The following FMN1 variants were observed in gnomAD, a reference collection of about 807,000 sequenced individuals.
FMN1 encodes formin 1, also known as formin-1.
FMN1 carries 110 observed loss-of-function variants against 132.4 expected under a neutral mutation model. That is an observed-to-expected ratio of 0.83 (90% confidence interval 0.71 to 0.97). FMN1 has a LOEUF of 0.97. FMN1 is among the 50% of genes least tolerant of loss of function. The probability of loss-of-function intolerance (pLI) is 0.00; values close to 1 mark genes in which losing one functional copy is unlikely to be tolerated. For missense variants in FMN1, 1,792 were observed against 1,705.3 expected, an observed-to-expected ratio of 1.05 and a Z score of -0.90; for synonymous variants, 722 against 651.7, an observed-to-expected ratio of 1.11 and a Z score of -1.64.
chr15:32,965,430 T>A (rs2140620324), intron 8 of FMN1, among the ~76,000 whole-genome samples: 1 of 152,226 alleles, frequency 6.6e-6, no homozygotes, highest in East Asian at 1.9e-4. Flanking sequence ...ATACTATCAA[T>A]GCCCACAAAT....
intron 8 of FMN1, among the ~76,000 whole-genome samples, chr15:32,964,558 C>T (rs1401298858): frequency 6.6e-6 from 1 of 152,142 alleles, no homozygotes; most frequent in Non-Finnish European, 1.5e-5. Flanking sequence ...TTCCTGGGGG[C>T]ACCCAAGCTG....
At chr15:32,845,453 T>A (rs1399315384) in intron 17 of FMN1, among the ~76,000 whole-genome samples, 8 of 152,230 alleles carry the variant, frequency 5.3e-5, no homozygotes, top group Non-Finnish European at 7.3e-5. Flanking sequence ...ACTATTCTGA[T>A]ACTTTTCTCC....
At chr15:32,848,041 C>T (rs1399954456) in intron 17 of FMN1, among the ~76,000 whole-genome samples, 1 of 151,854 alleles carries the variant, frequency 6.6e-6, no homozygotes, top group East Asian at 1.9e-4. Context: ...CTCATTTTGG[C>T]ATATTCATAA....
intron 17 of FMN1, among the ~76,000 whole-genome samples, chr15:32,848,544 A>G (rs1596076422): frequency 1.3e-5 from 2 of 152,278 alleles, no homozygotes; most frequent in South Asian, 4.1e-4. Flanking sequence ...TTTCCTTTTA[A>G]GTTGTCCAGT....
At chr15:33,124,252 G>A (rs3861196) in intron 4 of FMN1, among the ~76,000 whole-genome samples, 47,906 of 146,338 alleles carry the variant, frequency 0.33, 9,310 homozygotes, top group South Asian at 0.41. Flanking sequence ...ATGTTATGTG[G>A]AGGAAAAAAA....
At chr15:32,987,509 C>G (rs966777758) in intron 7 of FMN1, among the ~76,000 whole-genome samples, 5 of 152,148 alleles carry the variant, frequency 3.3e-5, no homozygotes, top group African/African-American at 1.2e-4. Context: ...ACTGCCTGTC[C>G]TTGAACATAA....
chr15:32,956,083 GA>G (rs2061761078), intron 9 of FMN1, among the ~76,000 whole-genome samples: 1 of 152,186 alleles, frequency 6.6e-6, no homozygotes, highest in Non-Finnish European at 1.5e-5. Flanking sequence ...GAAGACTAAA[GA>G]GAGAGCTGGG....
At chr15:33,101,573 G>T (rs1433147018) in intron 4 of FMN1, among the ~76,000 whole-genome samples, 1 of 152,044 alleles carries the variant, frequency 6.6e-6, no homozygotes, top group African/African-American at 2.4e-5. Flanking sequence ...AATTCTTCAT[G>T]GTAATCCCTG....
chr15:33,069,993 CTTTTTTTTTTTTTT>C (rs1171369156), intron 5 of FMN1, among the ~76,000 whole-genome samples: 4 of 74,292 alleles, frequency 5.4e-5, no homozygotes, highest in Admixed American at 1.9e-4. Context: ...CAGTCTTTCT[CTTTTTTTTTTTTTT>C]TTTTTTTTTT....
At chr15:33,169,947 G>A (rs1377975784) in intron 3 of FMN1, among the ~76,000 whole-genome samples, 1 of 151,854 alleles carries the variant, frequency 6.6e-6, no homozygotes, top group East Asian at 1.9e-4. Context: ...GAGATTAAGA[G>A]GTCAGGATTA....
At chr15:32,981,384 G>A (rs891523817) in intron 7 of FMN1, among the ~76,000 whole-genome samples, 2 of 151,594 alleles carry the variant, frequency 1.3e-5, no homozygotes, top group Non-Finnish European at 2.9e-5. Flanking sequence ...CCCAGCCGGT[G>A]GCAGGCACTT....
chr15:32,984,978 CAAAAAAAAAA>C (rs11330959), intron 7 of FMN1, among the ~76,000 whole-genome samples: 2 of 97,240 alleles, frequency 2.1e-5, no homozygotes, highest in South Asian at 3.8e-4. Flanking sequence ...CATCCATCAC[CAAAAAAAAAA>C]AAAAAAAAAA....
chr15:32,997,126 A>C (rs17816609), intron 7 of FMN1, among the ~76,000 whole-genome samples: 3,378 of 152,308 alleles, frequency 0.022, 59 homozygotes, highest in Non-Finnish European at 0.032. Flanking sequence ...GATTATGGTG[A>C]CAAGTATTAG....
intron 4 of FMN1, among the ~76,000 whole-genome samples, chr15:33,119,556 T>C (rs1428033889): frequency 3.9e-5 from 6 of 152,228 alleles, no homozygotes; most frequent in East Asian, 1.9e-4. Context: ...TATAGCCCTA[T>C]TAATGATAAA....
At chr15:33,033,017 T>G (rs938313260) in intron 6 of FMN1, among the ~76,000 whole-genome samples, 1 of 152,118 alleles carries the variant, frequency 6.6e-6, no homozygotes, top group African/African-American at 2.4e-5. Flanking sequence ...TGTTTTACTA[T>G]TACTGTTTCG....
chr15:32,921,064 G>A (rs573267164), intron 10 of FMN1, among the ~76,000 whole-genome samples: 2 of 152,276 alleles, frequency 1.3e-5, no homozygotes, highest in South Asian at 4.2e-4. Flanking sequence ...TATTCTCGTG[G>A]TAGATGTAAA....
At chr15:33,106,051 T>A (rs2039472184) in intron 4 of FMN1, 1 of 152,026 alleles carries the variant, frequency 6.6e-6, no homozygotes, top group Non-Finnish European at 1.5e-5. Context: ...CTGCTCCCAG[T>A]ACATAAGGGG....
intron 3 of FMN1, among the ~76,000 whole-genome samples, chr15:33,174,149 TA>T (rs1965429950): frequency 6.6e-6 from 1 of 151,806 alleles, no homozygotes; most frequent in Non-Finnish European, 1.5e-5. Context: ...GAAAAGGATA[TA>T]AAAAAGAAGA....
intron 6 of FMN1, among the ~76,000 whole-genome samples, chr15:33,025,897 C>T (rs1269310317): frequency 6.6e-6 from 1 of 152,008 alleles, no homozygotes; most frequent in Non-Finnish European, 1.5e-5. Flanking sequence ...TCAGGAGGCA[C>T]GATTTAAAAT....
Sources: gnomAD v4.1 joint callset for allele counts (sites outside exome capture counted in the v4.1 genomes callset) on GRCh38, gnomAD v4.1.1 for gene constraint, MANE v1.5 for transcripts, NCBI Gene and HGNC (gene_info 2026-07-23, HGNC 2026-07-21) for gene names.